PLEKHG1: variants seen among roughly 807,000 people sequenced by gnomAD.
PLEKHG1 encodes the protein pleckstrin homology domain-containing family G member 1.
Under a neutral mutation model 100.8 loss-of-function variants are expected in PLEKHG1, and 44 were observed. The ratio of observed to expected loss-of-function variants is 0.44; its 90% CI spans 0.34 to 0.56. The LOEUF is 0.56. Ranked by LOEUF, PLEKHG1 falls within the 20% of genes least tolerant of loss-of-function variation. The pLI, the probability that PLEKHG1 is intolerant of heterozygous loss-of-function variation, is 0.01. For missense variants in PLEKHG1, 1,545 were observed against 1,720.9 expected (o/e 0.90, Z 1.81); for synonymous variants, 640 against 662.5 (o/e 0.97, Z 0.52).
intron 4 of PLEKHG1, among the ~76,000 whole-genome samples, chr6:150,789,273 C>G (rs190693146): frequency 1.8e-4 from 27 of 152,276 alleles, no homozygotes; most frequent in African/African-American, 6.5e-4. Context: ...AAGGAAATAT[C>G]TTTTCTTATG....
chr6:150,816,195 C>T (rs1260035516), intron 10 of PLEKHG1, among the ~76,000 whole-genome samples: 1 of 151,984 alleles, frequency 6.6e-6, no homozygotes, highest in Non-Finnish European at 1.5e-5. Context: ...ACTGTCACTG[C>T]AGAAAACCCT....
chr6:150,764,117 C>CTTTTT (rs67507838), intron 2 of PLEKHG1, among the ~76,000 whole-genome samples: 13 of 145,770 alleles, frequency 8.9e-5, no homozygotes, highest in Non-Finnish European at 1.2e-4. Context: ...TTTTCTTTTT[C>CTTTTT]TTTTTCTTTT....
intron 15 of PLEKHG1, 50 bp from the exon 17 acceptor site, chr6:150,839,783 G>T: frequency 1.8e-6 from 2 of 1,109,646 alleles, no homozygotes; most frequent in Non-Finnish European, 1.3e-6. Flanking sequence ...TAATCTTCAC[G>T]TATAGGAATT....
intron 2 of PLEKHG1, among the ~76,000 whole-genome samples, chr6:150,766,433 G>A (rs940842468): frequency 3.9e-5 from 6 of 152,222 alleles, no homozygotes; most frequent in Non-Finnish European, 8.8e-5. Flanking sequence ...GATTACAGCT[G>A]TGAATGCAGG....
At chr6:150,605,447 TC>T (rs1431900143) in intron 1 of PLEKHG1, 1 of 152,242 alleles carries the variant, frequency 6.6e-6, no homozygotes, top group Admixed American at 6.5e-5. Context: ...AAATGGGATT[TC>T]CCTCTGTAAA....
chr6:150,636,352 GAA>G (rs915357390), intron 1 of PLEKHG1, among the ~76,000 whole-genome samples: 2 of 152,148 alleles, frequency 1.3e-5, no homozygotes, highest in Admixed American at 6.5e-5. Context: ...GAGGGAGAGA[GAA>G]ACAGCATTGT....
At chr6:150,640,651 G>T (rs531110537) in intron 2 of PLEKHG1, among the ~76,000 whole-genome samples, 2 of 152,232 alleles carry the variant, frequency 1.3e-5, no homozygotes, top group African/African-American at 4.8e-5. Context: ...CTCAGGCCTT[G>T]TGTAAGATAC....
At chr6:150,620,619 T>C (rs1203901020) in intron 1 of PLEKHG1, among the ~76,000 whole-genome samples, 2 of 152,244 alleles carry the variant, frequency 1.3e-5, no homozygotes, top group African/African-American at 4.8e-5. Flanking sequence ...TCTTACTGAC[T>C]TGACTTACCT....
rs372745415 is a variant in PLEKHG1, at chr6:150,802,938, G to A, written c.781-1672G>A. 4.5e-4 allele frequency among the ~76,000 whole-genome samples: 68 copies of A among 152,156 alleles called. 2 individuals carry two copies. The South Asian group carries it at 0.014, about 30-fold the overall frequency. On this transcript the variant is annotated intron_variant, in intron 6 of 15. Coordinates refer to ENST00000358517, the Ensembl canonical transcript of PLEKHG1. ...GCCCCTCAAAGTGCTGGGATTACAGGAGTGAGCCACCGTGCCTGGCCCATT... is the reference window on the plus strand; with the variant it reads ...GCCCCTCAAAGTGCTGGGATTACAGAAGTGAGCCACCGTGCCTGGCCCATT...
intron 4 of PLEKHG1, among the ~76,000 whole-genome samples, chr6:150,790,346 C>T (rs541328183): frequency 6.6e-6 from 1 of 152,136 alleles, no homozygotes; most frequent in Non-Finnish European, 1.5e-5. Context: ...ATATTTATAT[C>T]TTTCAACTTT....
At chr6:150,821,397 G>C (rs1014789723) in intron 13 of PLEKHG1, among the ~76,000 whole-genome samples, 164 bp downstream of exon 14, 3 of 152,110 alleles carry the variant, frequency 2.0e-5, no homozygotes, top group Non-Finnish European at 2.9e-5. Context: ...AAAATATATA[G>C]TCAAAGCCAG....
intron 3 of PLEKHG1, among the ~76,000 whole-genome samples, chr6:150,779,821 T>A (rs1359173887): frequency 6.6e-6 from 1 of 151,426 alleles, no homozygotes; most frequent in Non-Finnish European, 1.5e-5. Flanking sequence ...AAAAAATTAG[T>A]CAGGCATGGT....
At chr6:150,765,656 TG>T (rs1195087757) in intron 2 of PLEKHG1, among the ~76,000 whole-genome samples, 1 of 152,152 alleles carries the variant, frequency 6.6e-6, no homozygotes, top group African/African-American at 2.4e-5. Context: ...CCCTGCTGGA[TG>T]GTTATGTAGA....
chr6:150,789,733 A>G (rs1583134937), intron 4 of PLEKHG1, among the ~76,000 whole-genome samples: 1 of 152,216 alleles, frequency 6.6e-6, no homozygotes, highest in East Asian at 1.9e-4. Context: ...AGAGGCAGGA[A>G]AGAAAAAGCA....
At chr6:150,706,592 C>T (rs931867758) in intron 3 of PLEKHG1, among the ~76,000 whole-genome samples, 5 of 140,494 alleles carry the variant, frequency 3.6e-5, no homozygotes, top group Non-Finnish European at 6.1e-5. Flanking sequence ...CCAGCCAGGG[C>T]AACAGAGCAA....
intron 3 of PLEKHG1, among the ~76,000 whole-genome samples, chr6:150,658,696 A>G (rs1348023321): frequency 1.3e-5 from 2 of 152,182 alleles, no homozygotes; most frequent in Non-Finnish European, 2.9e-5. Flanking sequence ...AAGGGATTTT[A>G]GTACAGCCAC....
intron 14 of PLEKHG1, among the ~76,000 whole-genome samples, chr6:150,825,500 C>T (rs750722935): frequency 1.9e-4 from 29 of 150,648 alleles, no homozygotes; most frequent in South Asian, 4.2e-4. Context: ...AGAATCACTT[C>T]GGCCGAAGTT....
exon 2 of PLEKHG1, chr6:150,734,092 G>A: frequency 6.3e-7 from 1 of 1,597,450 alleles, no homozygotes; most frequent in Non-Finnish European, 8.5e-7. Context: ...GCATCGTAGA[G>A]GTAAGACCGA....
intron 3 of PLEKHG1, among the ~76,000 whole-genome samples, chr6:150,678,816 C>A (rs1017816169): frequency 2.0e-5 from 3 of 152,064 alleles, no homozygotes; most frequent in Non-Finnish European, 4.4e-5. Context: ...CAATCATGAG[C>A]AAATGAATAT....
Sources: gnomAD v4.1 joint callset for allele counts (sites outside exome capture counted in the v4.1 genomes callset) on GRCh38, gnomAD v4.1.1 for gene constraint, MANE v1.5 for transcripts, NCBI Gene and HGNC (gene_info 2026-07-23, HGNC 2026-07-21) for gene names.